The following ZNF81 variants were observed in gnomAD, a reference collection of about 807,000 sequenced individuals.
ZNF81 encodes the protein zinc finger protein 81, also known as zinc finger protein 81 (HFZ20).
In ZNF81, 5 loss-of-function variants were observed where a neutral mutation model predicts 32.3. The observed-to-expected ratio is 0.15, with a 90% CI of 0.08 to 0.33. The LOEUF (loss-of-function observed/expected upper bound fraction) is 0.33, where lower values mean the gene tolerates loss of function less well. ZNF81 is among the 10% of genes least tolerant of loss of function. The pLI, the probability that ZNF81 is intolerant of heterozygous loss-of-function variation, is 1.00. For synonymous variants in ZNF81, 163 were observed against 166.8 expected (o/e 0.98, Z 0.17); for missense variants, 379 against 479.8 (o/e 0.79, Z 1.96).
In ZNF81 at chrX:47,916,775, GA is replaced by G. The variant is rs1442260044; in HGVS notation, c.*150del. On this transcript the variant is annotated 3_prime_UTR_variant, in exon 5 of 5. Coordinates refer to ENST00000338637, the MANE Select transcript of ZNF81 (RefSeq NM_007137.5). ...GCATCAGGCTATCTCACTTGAGATG[GA>G]AAAAAATTATTCAGAAGAAACTCTC... 9.6e-6 allele frequency: 6 copies of G among 624,564 alleles called. No individual in the cohort carries two copies. Among genetic ancestry groups the G allele is most frequent in the African/African-American group, 2.3e-5 (1 of 43,769 alleles). The allele number at this position is 624,564 out of a possible 1,213,427, so 51.5% of individuals were successfully genotyped here.
At chrX:47,912,371 G>A (rs1272390466) in intron 4 of ZNF81, among the ~76,000 whole-genome samples, 1 of 105,434 alleles carries the variant, frequency 9.5e-6, no homozygotes, top group South Asian at 4.4e-4. Context: ...ATGACTCAGA[G>A]CATTCTCAGT....
chrX:47,849,218 G>A (rs1293505070), intron 2 of ZNF81, among the ~76,000 whole-genome samples: 1 of 111,560 alleles, frequency 9.0e-6, no homozygotes, highest in South Asian at 3.7e-4. Context: ...ATTGTGAAAT[G>A]TAACATACAT....
intron 1 of ZNF81, chrX:47,841,626 G>C (rs1348876135): frequency 1.9e-5 from 21 of 1,108,116 alleles, no homozygotes; most frequent in Non-Finnish European, 2.6e-5. Context: ...GTGGCTTTGA[G>C]GGCTTGATAA....
chrX:47,893,474 A>G (rs1191388970), intron 3 of ZNF81, among the ~76,000 whole-genome samples: 1 of 111,072 alleles, frequency 9.0e-6, no homozygotes, highest in Non-Finnish European at 1.9e-5. Flanking sequence ...GGGTTCAAAA[A>G]TGGATATTTT....
At position 47,850,364 on chromosome X, in the gene ZNF81, A is replaced by C. The variant is rs1222428652; in HGVS notation, c.54+4043A>C. Among the ~76,000 whole-genome samples, 3 of 107,740 alleles carry C rather than the reference A, an allele frequency of 2.8e-5. No homozygotes were observed. The East Asian group carries it at 8.7e-4, about 31-fold the overall frequency. 93.6% of individuals were successfully genotyped at this position (107,740 alleles called of 115,157 possible). ...CCATCTCTTAAAAAAAAAAAAAAAAAAGAAAGAAAAATTTTAAAAATAGAA... is the reference window on the plus strand; with the variant it reads ...CCATCTCTTAAAAAAAAAAAAAAAACAGAAAGAAAAATTTTAAAAATAGAA... On this transcript the variant is annotated intron_variant, in intron 2 of 4. Transcript: ENST00000338637.
At chrX:47,902,446 C>G (rs936151962) in intron 4 of ZNF81, among the ~76,000 whole-genome samples, 1 of 111,478 alleles carries the variant, frequency 9.0e-6, no homozygotes, top group African/African-American at 3.3e-5. Context: ...CATGATAAAC[C>G]AATATGATGT....
At position 47,923,748 on chromosome X, in the gene ZNF81, T is replaced by A. The variant is rs1231033436; in HGVS notation, c.*7116T>A. Among the ~76,000 whole-genome samples, 2 of 111,696 alleles carry A rather than the reference T, an allele frequency of 1.8e-5. No individual in the cohort carries two copies. The highest frequency in any genetic ancestry group is 3.8e-5 in the Non-Finnish European group (2 of 53,131). ...CTGTCGTTTGGGTTATACTGAGAAATAAGAGTTGGCTAAAGTAGAAATTAC... is the reference window on the plus strand; with the variant it reads ...CTGTCGTTTGGGTTATACTGAGAAAAAAGAGTTGGCTAAAGTAGAAATTAC... On this transcript the variant is annotated 3_prime_UTR_variant, in exon 5 of 5. Coordinates refer to ENST00000338637, the MANE Select transcript of ZNF81 (RefSeq NM_007137.5).
At position 47,918,214 on chromosome X, in the gene ZNF81, T is replaced by C. The variant is rs1174308182; in HGVS notation, c.*1582T>C. 1 of 111,350 alleles carries C rather than the reference T, an allele frequency of 9.0e-6. No individual in the cohort carries two copies. The highest frequency in any genetic ancestry group is 1.9e-5 in the Non-Finnish European group (1 of 53,089). The allele number at this position is 111,350 out of a possible 1,213,427, so 9.2% of individuals were successfully genotyped here. The stretch of plus-strand genomic sequence containing the variant: ...AGAAGAAATATGGAAAAGCCAAGGA[T>C]TGCTGGGTTGAAAAATAATGCTTTC... On this transcript the variant is annotated 3_prime_UTR_variant, in exon 5 of 5. Transcript: ENST00000338637.
rs2058777812 is a variant in ZNF81, at chrX:47,921,760, T to A, written c.*5128T>A. 1.8e-5 allele frequency: 2 copies of A among 110,849 alleles called. No homozygotes were observed. Among genetic ancestry groups the A allele is most frequent in the Non-Finnish European group, 3.8e-5 (2 of 52,921 alleles). 9.1% of individuals were successfully genotyped at this position (110,849 alleles called of 1,213,427 possible). On this transcript the variant is annotated 3_prime_UTR_variant, in exon 5 of 5. Transcript: ENST00000338637. ...ATCATGAGATAGCCCTGTGGAAAGG[T>A]CCACATGAGTGAACTTTGAAGCATA... is the stretch of plus-strand genomic sequence containing the variant.
chrX:47,892,712 C>T (rs2058666783), intron 3 of ZNF81, among the ~76,000 whole-genome samples: 1 of 112,894 alleles, frequency 8.9e-6, no homozygotes, highest in South Asian at 3.6e-4. Flanking sequence ...CTTTATCATA[C>T]ACCCTTGATA....
chrX:47,908,115 C>T (rs2058727190), intron 4 of ZNF81, among the ~76,000 whole-genome samples: 1 of 110,801 alleles, frequency 9.0e-6, no homozygotes, highest in Admixed American at 9.7e-5. Flanking sequence ...AATAGGGAAG[C>T]CACAAGCTGG....
chrX:47,889,429 T>C (rs1556886231), intron 3 of ZNF81, among the ~76,000 whole-genome samples: 1 of 112,518 alleles, frequency 8.9e-6, no homozygotes, highest in Non-Finnish European at 1.9e-5. Flanking sequence ...CTAGTAGGGC[T>C]GCAGCTGCCA....
At chrX:47,860,812 C>T (rs1454962875) in intron 2 of ZNF81, 1 of 111,163 alleles carries the variant, frequency 9.0e-6, no homozygotes, top group East Asian at 2.9e-4. Context: ...CCGGAGAAGA[C>T]GTAGAAGCTC....
At chrX:47,871,178 C>G (rs1175383653) in intron 2 of ZNF81, among the ~76,000 whole-genome samples, 3 of 111,893 alleles carry the variant, frequency 2.7e-5, no homozygotes, top group African/African-American at 9.8e-5. Flanking sequence ...TTTTATCTTA[C>G]TCAGCAGTTG....
rs1280805957 is a variant in ZNF81, at chrX:47,925,311, T to C, written c.*8679T>C. 9.0e-6 allele frequency among the ~76,000 whole-genome samples: 1 copy of C among 111,638 alleles called. No homozygotes were observed. The highest frequency in any genetic ancestry group is 1.9e-5 in the Non-Finnish European group (1 of 53,050). The stretch of plus-strand genomic sequence containing the variant: ...ATGCCTCTTTGTCATTCAGCCCCCT[T>C]TCCCCACATTCTTCCCACATCCACA... On this transcript the variant is annotated 3_prime_UTR_variant, in exon 5 of 5. Transcript: ENST00000338637.
intron 4 of ZNF81, among the ~76,000 whole-genome samples, chrX:47,902,704 C>T: frequency 9.0e-6 from 1 of 111,506 alleles, no homozygotes; most frequent in Non-Finnish European, 1.9e-5. Context: ...TCCCATAAGT[C>T]AAAAAAGATA....
chrX:47,843,817 G>A (rs782253652), intron 1 of ZNF81, among the ~76,000 whole-genome samples: 16 of 112,171 alleles, frequency 1.4e-4, no homozygotes, highest in Middle Eastern at 9.2e-3. Context: ...GAGCCACTGC[G>A]CCTGGCTACA....
intron 4 of ZNF81, among the ~76,000 whole-genome samples, chrX:47,900,565 A>C (rs935180755): frequency 8.9e-6 from 1 of 112,310 alleles, no homozygotes; most frequent in Admixed American, 9.4e-5. Context: ...GATGCTGGAA[A>C]GTGATCAAAA....
intron 4 of ZNF81, among the ~76,000 whole-genome samples, chrX:47,902,494 G>GAATACACAT (rs1352157641): frequency 9.0e-6 from 1 of 111,585 alleles, no homozygotes; most frequent in Non-Finnish European, 1.9e-5. Context: ...AACAACTACA[G>GAATACACAT]AATACACATT....
Sources: gnomAD v4.1 joint callset for allele counts (sites outside exome capture counted in the v4.1 genomes callset) on GRCh38, gnomAD v4.1.1 for gene constraint, MANE v1.5 for transcripts, NCBI Gene and HGNC (gene_info 2026-07-23, HGNC 2026-07-21) for gene names.